TPRG1: variants seen among roughly 807,000 people sequenced by gnomAD.
TPRG1 encodes the protein tumor protein p63-regulated gene 1 protein.
Under a neutral mutation model 29.3 loss-of-function variants are expected in TPRG1, and 29 were observed. That is an observed-to-expected ratio of 0.99 (90% CI 0.74 to 1.35). The LOEUF is 1.35. Among genes scored for constraint, TPRG1 ranks in the 40% most tolerant of loss-of-function variants. The probability of loss-of-function intolerance (pLI) is 0.00; values close to 1 mark genes in which losing one functional copy is unlikely to be tolerated. For synonymous variants in TPRG1, 130 were observed against 116.8 expected, an observed-to-expected ratio of 1.11 and a Z score of -0.73; for missense variants, 327 against 335.0, an observed-to-expected ratio of 0.98 and a Z score of 0.19.
At chr3:189,047,264 T>A (rs1284008490) in intron 4 of TPRG1, among the ~76,000 whole-genome samples, 2 of 152,224 alleles carry the variant, frequency 1.3e-5, no homozygotes, top group African/African-American at 4.8e-5. Flanking sequence ...GTGAATCACA[T>A]AATTTTTTGG....
chr3:189,013,780 C>T (rs907501976), intron 3 of TPRG1, among the ~76,000 whole-genome samples: 2 of 151,962 alleles, frequency 1.3e-5, no homozygotes, highest in African/African-American at 4.8e-5. Flanking sequence ...TATATATTGC[C>T]CTTCTTTGTC....
intron 3 of TPRG1, among the ~76,000 whole-genome samples, chr3:189,135,109 C>A (rs1419106113): frequency 6.6e-6 from 1 of 152,200 alleles, no homozygotes; most frequent in East Asian, 1.9e-4. Flanking sequence ...TCGTCAGATG[C>A]AGGTGGTTAT....
chr3:189,061,059 C>G (rs1716072520), intron 4 of TPRG1, among the ~76,000 whole-genome samples: 1 of 152,156 alleles, frequency 6.6e-6, no homozygotes, highest in Admixed American at 6.5e-5. Context: ...TATAGGGCTA[C>G]AGTAACCTGA....
chr3:189,217,020 G>C (rs145740023), intron 3 of TPRG1, among the ~76,000 whole-genome samples: 107 of 152,268 alleles, frequency 7.0e-4, no homozygotes, highest in Admixed American at 6.6e-3. Context: ...TCAGATAATA[G>C]AACTGGTAAT....
intron 4 of TPRG1, among the ~76,000 whole-genome samples, chr3:189,052,004 A>G (rs1377659012): frequency 1.3e-5 from 2 of 152,204 alleles, no homozygotes; most frequent in African/African-American, 2.4e-5. Flanking sequence ...AGAAGATAAC[A>G]TTGGAAAAAC....
intron 1 of TPRG1, among the ~76,000 whole-genome samples, chr3:189,204,949 A>T (rs200858771): frequency 0.053 from 4,685 of 89,074 alleles, 213 homozygotes; most frequent in African/African-American, 0.16. Context: ...TCTCTCTCTC[A>T]CACACACACA....
chr3:189,092,319 G>A (rs1338151466), intron 4 of TPRG1, among the ~76,000 whole-genome samples: 1 of 152,132 alleles, frequency 6.6e-6, no homozygotes, highest in Non-Finnish European at 1.5e-5. Flanking sequence ...CAAGCTCCCA[G>A]GTGATGGTGA....
chr3:189,139,867 A>T (rs990920337), intron 3 of TPRG1, among the ~76,000 whole-genome samples: 2 of 152,264 alleles, frequency 1.3e-5, no homozygotes, highest in South Asian at 4.1e-4. Context: ...ATATGGTTGC[A>T]TTAAATCCAG....
chr3:189,107,315 T>C (rs571219477), intron 1 of TPRG1, among the ~76,000 whole-genome samples: 3 of 152,162 alleles, frequency 2.0e-5, no homozygotes, highest in Non-Finnish European at 4.4e-5. Flanking sequence ...GAAAACAGTT[T>C]TTTGCATCTG....
chr3:189,127,694 A>T (rs1340092740), intron 2 of TPRG1, among the ~76,000 whole-genome samples: 2 of 152,344 alleles, frequency 1.3e-5, no homozygotes, highest in South Asian at 2.1e-4. Flanking sequence ...AAAACAAACC[A>T]TACTTGATTT....
At chr3:189,308,626 G>C (rs377666901) in intron 4 of TPRG1, among the ~76,000 whole-genome samples, 249 of 152,228 alleles carry the variant, frequency 1.6e-3, no homozygotes, top group African/African-American at 5.7e-3. Context: ...CACATTGACT[G>C]GTTATTTAGA....
chr3:189,063,363 C>T lies in TPRG1; in HGVS notation c.-463+39417C>T, dbSNP rs1406324242. On this transcript the variant is annotated intron_variant, in intron 4 of 10. Coordinates refer to the TPRG1 transcript ENST00000433971. ...TGATAGAACTCCTAGAACTCCTAGA[C>T]AGTAAATCAGAAAATACTTAAAAGA... Among the ~76,000 whole-genome samples, 4 of 152,228 alleles carry T rather than the reference C, an allele frequency of 2.6e-5. No homozygotes were observed. In the East Asian group the frequency reaches 5.8e-4, roughly 22 times the overall value.
chr3:189,281,586 T>C (rs968008759), intron 4 of TPRG1, among the ~76,000 whole-genome samples: 1 of 152,000 alleles, frequency 6.6e-6, no homozygotes, highest in African/African-American at 2.4e-5. Context: ...TATGGAGACA[T>C]TTTTTATCCT....
At chr3:189,170,988 G>T (rs55951008), upstream of TPRG1, among the ~76,000 whole-genome samples, 3 of 152,338 alleles carry the variant, frequency 2.0e-5, no homozygotes, top group South Asian at 2.1e-4. Context: ...TAGGATAGAA[G>T]ATTGAAATTC....
intron 4 of TPRG1, among the ~76,000 whole-genome samples, chr3:189,046,181 G>A (rs1020053690): frequency 3.3e-5 from 5 of 152,216 alleles, no homozygotes; most frequent in Non-Finnish European, 5.9e-5. Flanking sequence ...TGGGCCAATG[G>A]TTCTTCCTGT....
intron 1 of TPRG1, among the ~76,000 whole-genome samples, chr3:188,999,164 C>T (rs573889997): frequency 4.3e-4 from 65 of 152,124 alleles, no homozygotes; most frequent in Non-Finnish European, 6.9e-4. Flanking sequence ...TTCAGGGGAA[C>T]GTAAGAGCTG....
chr3:189,150,459 G>A (rs1335247136), intron 4 of TPRG1, among the ~76,000 whole-genome samples: 1 of 152,092 alleles, frequency 6.6e-6, no homozygotes, highest in Non-Finnish European at 1.5e-5. Context: ...GGGATTACAG[G>A]CATGAGCCAC....
At chr3:189,184,720 C>T (rs1197417423) in intron 1 of TPRG1, among the ~76,000 whole-genome samples, 2 of 152,200 alleles carry the variant, frequency 1.3e-5, no homozygotes, top group Non-Finnish European at 2.9e-5. Context: ...GCCACGTATC[C>T]TGCAGTTGGC....
chr3:189,132,246 TG>T (rs2108536049), intron 2 of TPRG1, among the ~76,000 whole-genome samples: 2 of 152,278 alleles, frequency 1.3e-5, no homozygotes, highest in South Asian at 4.1e-4. Context: ...AACAGGAGCC[TG>T]GACTGGCAGG....
Sources: gnomAD v4.1 joint callset for allele counts (sites outside exome capture counted in the v4.1 genomes callset) on GRCh38, gnomAD v4.1.1 for gene constraint, MANE v1.5 for transcripts, NCBI Gene and HGNC (gene_info 2026-07-23, HGNC 2026-07-21) for gene names.